Variants in SGCD observed in about 807,000 individuals in gnomAD.
SGCD encodes the protein sarcoglycan delta.
In SGCD, 18 loss-of-function variants were observed where a neutral mutation model predicts 36.6. The ratio of observed to expected loss-of-function variants is 0.49; its 90% CI spans 0.34 to 0.73. The LOEUF (loss-of-function observed/expected upper bound fraction) is 0.73, where lower values mean the gene tolerates loss of function less well. Among genes scored for constraint, SGCD ranks in the 30% least tolerant of loss-of-function variants. The pLI is 0.01. For missense variants in SGCD, 387 were observed against 346.7 expected, an observed-to-expected ratio of 1.12 and a Z score of -0.92; for synonymous variants, 133 against 130.6, an observed-to-expected ratio of 1.02 and a Z score of -0.12.
intron 6 of SGCD, among the ~76,000 whole-genome samples, chr5:156,616,982 A>C (rs78221831): frequency 6.6e-6 from 1 of 152,214 alleles, no homozygotes; most frequent in East Asian, 1.9e-4. Flanking sequence ...ACAAAAAAAA[A>C]GTTTGCCAGT....
At chr5:155,730,894 T>C in the SGCD span, among the ~76,000 whole-genome samples, 1 of 152,156 alleles carries the variant, frequency 6.6e-6, no homozygotes, top group African/African-American at 2.4e-5. Context: ...CAGCAGATCA[T>C]CAAGGATATC....
At chr5:156,386,005 T>C (rs1250750985) in intron 3 of SGCD, among the ~76,000 whole-genome samples, 1 of 152,234 alleles carries the variant, frequency 6.6e-6, no homozygotes, top group African/African-American at 2.4e-5. Context: ...GAACTCTGAA[T>C]CCTCAAATCC....
chr5:155,871,667 G>A (rs761743502), intron 1 of SGCD, among the ~76,000 whole-genome samples: 1 of 152,140 alleles, frequency 6.6e-6, no homozygotes, highest in Non-Finnish European at 1.5e-5. Flanking sequence ...GTTATGGAGG[G>A]GAGACTGAAA....
chr5:155,938,888 G>A (rs529952384), intron 1 of SGCD, among the ~76,000 whole-genome samples: 5 of 152,188 alleles, frequency 3.3e-5, no homozygotes, highest in Non-Finnish European at 5.9e-5. Context: ...ATTAATAGGA[G>A]TCAAAGTTGG....
intron 3 of SGCD, among the ~76,000 whole-genome samples, chr5:156,433,852 C>A (rs1580986780): frequency 6.6e-6 from 1 of 152,160 alleles, no homozygotes; most frequent in East Asian, 1.9e-4. Flanking sequence ...AGTGTCTCCC[C>A]TTGTGGTTAC....
intron 3 of SGCD, among the ~76,000 whole-genome samples, chr5:156,138,752 G>A (rs1436786887): frequency 1.3e-5 from 2 of 152,142 alleles, no homozygotes; most frequent in Non-Finnish European, 2.9e-5. Context: ...TATACATTTA[G>A]TTTTAGAAGG....
intron 1 of SGCD, among the ~76,000 whole-genome samples, chr5:156,058,809 C>T (rs185941450): frequency 6.9e-6 from 1 of 145,256 alleles, no homozygotes; most frequent in East Asian, 1.9e-4. Context: ...CTGGGTTGGC[C>T]TCAAAGTAAC....
chr5:156,084,069 A>G (rs890172272), intron 1 of SGCD, among the ~76,000 whole-genome samples: 1 of 152,210 alleles, frequency 6.6e-6, no homozygotes, highest in Non-Finnish European at 1.5e-5. Flanking sequence ...AGATTGCTTC[A>G]AATAGTCAAG....
chr5:156,486,242 C>T (rs1755652622), intron 3 of SGCD, among the ~76,000 whole-genome samples: 2 of 152,000 alleles, frequency 1.3e-5, no homozygotes, highest in African/African-American at 2.4e-5. Context: ...AGTGGTGCAT[C>T]TAGATCTTCA....
intron 3 of SGCD, among the ~76,000 whole-genome samples, chr5:156,239,831 A>G (rs1765265211): frequency 6.6e-6 from 1 of 151,772 alleles, no homozygotes; most frequent in Admixed American, 6.6e-5. Context: ...AGGTAACAAA[A>G]TGTTTTGGAC....
chr5:155,974,238 G>A (rs182972100), intron 1 of SGCD, among the ~76,000 whole-genome samples: 1 of 152,190 alleles, frequency 6.6e-6, no homozygotes, highest in East Asian at 1.9e-4. Context: ...TTGGGCTCAC[G>A]TGCAGTAGAG....
chr5:155,800,319 T>G, the SGCD span, among the ~76,000 whole-genome samples: 2 of 152,194 alleles, frequency 1.3e-5, no homozygotes, highest in Non-Finnish European at 2.9e-5. Context: ...TATTTGTTTC[T>G]GGTTTGGCGT....
chr5:156,621,258 C>T (rs1454763091), intron 6 of SGCD, among the ~76,000 whole-genome samples: 1 of 152,178 alleles, frequency 6.6e-6, no homozygotes, highest in Non-Finnish European at 1.5e-5. Flanking sequence ...GTGGCACAAT[C>T]TCGGCTTACT....
chr5:156,209,512 A>C (rs569709543), intron 3 of SGCD, among the ~76,000 whole-genome samples: 4 of 152,264 alleles, frequency 2.6e-5, no homozygotes, highest in African/African-American at 9.6e-5. Flanking sequence ...AGGCCTGCCC[A>C]GCGCTAAGCC....
chr5:156,267,651 C>T (rs1161959744), intron 3 of SGCD, among the ~76,000 whole-genome samples: 2 of 152,170 alleles, frequency 1.3e-5, no homozygotes, highest in African/African-American at 4.8e-5. Flanking sequence ...GCTGCAGGGA[C>T]AGCAACTGAT....
At chr5:156,044,012 G>A (rs938275010) in intron 1 of SGCD, among the ~76,000 whole-genome samples, 1 of 152,116 alleles carries the variant, frequency 6.6e-6, no homozygotes, top group Non-Finnish European at 1.5e-5. Context: ...AATTAAACAT[G>A]TTTAAATAAC....
chr5:155,765,912 G>C, the SGCD span, among the ~76,000 whole-genome samples: 1 of 152,082 alleles, frequency 6.6e-6, no homozygotes, highest in Non-Finnish European at 1.5e-5. Flanking sequence ...CTGTGAAGGA[G>C]ACAGCTGTGC....
chr5:155,901,840 C>T (rs140999032), intron 1 of SGCD, among the ~76,000 whole-genome samples: 5 of 152,288 alleles, frequency 3.3e-5, no homozygotes, highest in East Asian at 1.9e-4. Flanking sequence ...AACCTTATTA[C>T]TTACCTGTAG....
chr5:156,617,615 A>G (rs1762065949), intron 6 of SGCD, among the ~76,000 whole-genome samples: 1 of 152,236 alleles, frequency 6.6e-6, no homozygotes, highest in African/African-American at 2.4e-5. Context: ...CAAAAAGCCC[A>G]CAAGAGATGA....
Sources: gnomAD v4.1 joint callset for allele counts (sites outside exome capture counted in the v4.1 genomes callset) on GRCh38, gnomAD v4.1.1 for gene constraint, MANE v1.5 for transcripts, NCBI Gene and HGNC (gene_info 2026-07-23, HGNC 2026-07-21) for gene names.